Variants in RFX4 observed in about 807,000 individuals in gnomAD.
RFX4 encodes regulatory factor X4.
Under a neutral mutation model 95.0 loss-of-function variants are expected in RFX4, and 10 were observed. That is an observed-to-expected ratio of 0.11 (90% CI 0.06 to 0.18). RFX4 has a LOEUF of 0.18. RFX4 is among the 10% of genes least tolerant of loss of function. RFX4 has a pLI of 1.00. For synonymous variants in RFX4, 321 were observed against 340.7 expected (o/e 0.94, Z 0.64); for missense variants, 640 against 922.0 (o/e 0.69, Z 3.96).
chr12:106,729,943 T>C (rs1318307183), intron 13 of RFX4, among the ~76,000 whole-genome samples: 1 of 152,168 alleles, frequency 6.6e-6, no homozygotes, highest in African/African-American at 2.4e-5. Context: ...CTCACAGTGA[T>C]TGAGCAGAAC....
Position 106,681,985 on chromosome 12 carries a change from A to C in RFX4, c.316-8A>C. On this transcript the variant is annotated splice_region_variant and splice_polypyrimidine_tract_variant and intron_variant, in intron 4 of 17. Transcript: ENST00000392842. Reference sequence around the variant, plus strand: ...CAATGGGTAACTGATTCTTGTGTTGACTTACAGATCATAAGGCAGCAGTTT... The same window carrying C: ...CAATGGGTAACTGATTCTTGTGTTGCCTTACAGATCATAAGGCAGCAGTTT... The C allele has an allele frequency of 5.6e-6, 9 of 1,614,122 alleles. No individual in the cohort carries two copies. Among genetic ancestry groups the C allele is most frequent in the Non-Finnish European group, 6.8e-6 (8 of 1,179,988 alleles).
intron 16 of RFX4, among the ~76,000 whole-genome samples, chr12:106,749,803 G>A (rs749507351): frequency 2.6e-5 from 4 of 152,120 alleles, no homozygotes; most frequent in South Asian, 2.1e-4. Context: ...CTAGAAAGTC[G>A]TGGAGCCTGA....
chr12:106,601,147 C>T, intron 1 of RFX4: 1 of 1,446,058 alleles, frequency 6.9e-7, no homozygotes, highest in Non-Finnish European at 9.1e-7. Flanking sequence ...GTTGCCATGG[C>T]AACCCACTGA....
At chr12:106,695,642 T>A (rs1485501493) in intron 7 of RFX4, among the ~76,000 whole-genome samples, 1 of 152,210 alleles carries the variant, frequency 6.6e-6, no homozygotes, top group East Asian at 1.9e-4. Flanking sequence ...ACACTTCATG[T>A]GCCCACATAG....
In RFX4 at chr12:106,686,896, T is replaced by C. The variant is rs764633421; in HGVS notation, c.390T>C (p.Tyr130=). The C allele has an allele frequency of 5.0e-6, 8 of 1,613,354 alleles. No individual in the cohort carries two copies. The highest frequency in any genetic ancestry group is 1.3e-5 in the African/African-American group (1 of 74,722). ...GTRGQSKYHY[Y]GIAVKESSQY... is the part of the protein sequence containing the mutation. Reference sequence around the variant, plus strand: ...CCTTGTGGCCCAGGTACCATTACTATGGCATTGCAGTGAAAGAAAGCTCCC... The same window carrying C: ...CCTTGTGGCCCAGGTACCATTACTACGGCATTGCAGTGAAAGAAAGCTCCC... Residue 130 remains tyrosine (Y), a synonymous_variant, in exon 6 of 18, where the codon TAT becomes TAC. Coordinates refer to ENST00000392842, the MANE Select transcript of RFX4 (RefSeq NM_213594.3).
chr12:106,589,869 T>C (rs192068500), intron 1 of RFX4, among the ~76,000 whole-genome samples: 13 of 152,362 alleles, frequency 8.5e-5, no homozygotes, highest in Non-Finnish European at 1.6e-4. Context: ...AGGCAGTGTA[T>C]CACAGCGGTT....
chr12:106,690,604 G>C (rs4964482), intron 7 of RFX4, among the ~76,000 whole-genome samples: 31,224 of 152,074 alleles, frequency 0.21, 3,517 homozygotes, highest in South Asian at 0.28. Flanking sequence ...AGGGACTCAG[G>C]CTCCTTCCAC....
chr12:106,750,881 C>G (rs2042988441), intron 17 of RFX4, 88 bp downstream of exon 17: 2 of 1,254,346 alleles, frequency 1.6e-6, no homozygotes, highest in East Asian at 2.8e-5. Context: ...GTTATGCATA[C>G]TGTGTGTGCA....
intron 4 of RFX4, among the ~76,000 whole-genome samples, chr12:106,678,313 G>C (rs889167703): frequency 6.6e-6 from 1 of 152,180 alleles, no homozygotes; most frequent in African/African-American, 2.4e-5. Context: ...CTTTATAGAT[G>C]TTATGTAGGA....
At chr12:106,645,118 G>A (rs1031712712) in intron 3 of RFX4, among the ~76,000 whole-genome samples, 1 of 151,708 alleles carries the variant, frequency 6.6e-6, no homozygotes, top group African/African-American at 2.4e-5. Flanking sequence ...TTGGGGACAC[G>A]TGATCTGGAG....
intron 14 of RFX4, among the ~76,000 whole-genome samples, 175 bp downstream of exon 14, chr12:106,732,424 G>A (rs956857071): frequency 6.6e-6 from 1 of 152,160 alleles, no homozygotes; most frequent in African/African-American, 2.4e-5. Flanking sequence ...TGTGGGCTGG[G>A]TCTGGTGGCT....
At chr12:106,674,280 TCA>T (rs1161336177) in intron 4 of RFX4, among the ~76,000 whole-genome samples, 2 of 152,032 alleles carry the variant, frequency 1.3e-5, no homozygotes, top group African/African-American at 4.8e-5. Flanking sequence ...TGCCACATCA[TCA>T]CAGAGTCCTA....
At chr12:106,696,696 C>A (rs1409324362) in intron 8 of RFX4, among the ~76,000 whole-genome samples, 1 of 152,178 alleles carries the variant, frequency 6.6e-6, no homozygotes, top group Non-Finnish European at 1.5e-5. Flanking sequence ...CCCCACCAGA[C>A]TCCTGTTCCC....
chr12:106,660,979 A>T (rs1183124383), intron 4 of RFX4, among the ~76,000 whole-genome samples: 2 of 152,148 alleles, frequency 1.3e-5, no homozygotes, highest in Admixed American at 1.3e-4. Context: ...GGTACCAAAC[A>T]GGTTGGGGAC....
At chr12:106,627,539 GA>G (rs1182398384) in intron 2 of RFX4, among the ~76,000 whole-genome samples, 2 of 151,872 alleles carry the variant, frequency 1.3e-5, no homozygotes, top group East Asian at 3.9e-4. Context: ...CTCCGTCTCA[GA>G]AAAAAACAAA....
intron 15 of RFX4, among the ~76,000 whole-genome samples, chr12:106,743,757 C>A (rs116703630): frequency 0.011 from 1,711 of 152,198 alleles, 15 homozygotes; most frequent in Middle Eastern, 0.048. Flanking sequence ...ATGACTTCTT[C>A]CCACTGCTTG....
At chr12:106,673,995 G>A (rs1687163379) in intron 4 of RFX4, among the ~76,000 whole-genome samples, 1 of 152,060 alleles carries the variant, frequency 6.6e-6, no homozygotes, top group African/African-American at 2.4e-5. Flanking sequence ...CCTCCTTAAA[G>A]CCCTCTGAAG....
chr12:106,751,994 A>G (rs1204524711), intron 17 of RFX4, among the ~76,000 whole-genome samples: 10 of 143,216 alleles, frequency 7.0e-5, no homozygotes, highest in African/African-American at 2.6e-4. Flanking sequence ...TTGGTGTTTT[A>G]GACATGAAGT....
At position 106,715,539 on chromosome 12, in the gene RFX4, C is replaced by T. The variant is rs370219355; in HGVS notation, c.1133C>T (p.Thr378Ile). 1.2e-6 allele frequency: 2 copies of T among 1,613,942 alleles called. No homozygotes were observed. The highest frequency in any genetic ancestry group is 2.7e-5 in the African/African-American group (2 of 74,932). ...CGCGATGAGCACCGGAAACTCATCA[C>T]CCAATGTAAGCTGTCCCACCAGGGA... is the stretch of plus-strand genomic sequence containing the variant. ...DSRDEHRKLI[T>I]QLYQEFDHLL... Residue 378 changes from threonine to isoleucine, a missense_variant, in exon 11 of 18, where the codon ACC (threonine) becomes ATC (isoleucine). Around this residue, in one of 7 missense-constraint regions of RFX4, gnomAD observed 72 missense variants for 80.5 expected, o/e 0.89. Transcript: ENST00000392842.
Sources: gnomAD v4.1 joint callset for allele counts (sites outside exome capture counted in the v4.1 genomes callset) on GRCh38, gnomAD v4.1.1 for gene constraint, gnomAD v4.1.1 regional missense constraint, MANE v1.5 for transcripts, NCBI Gene and HGNC (gene_info 2026-07-23, HGNC 2026-07-21) for gene names.